The following GLIS3 variants were observed in gnomAD, a reference collection of about 807,000 sequenced individuals.
The protein encoded by GLIS3 is GLIS family zinc finger 3.
GLIS3 carries 53 observed loss-of-function variants against 78.6 expected under a neutral mutation model. The observed-to-expected ratio is 0.67, with a 90% confidence interval of 0.54 to 0.85. The LOEUF (loss-of-function observed/expected upper bound fraction) is 0.85. Ranked by LOEUF, GLIS3 falls within the 40% of genes least tolerant of loss-of-function variation. GLIS3 has a pLI of 0.00. For missense variants in GLIS3, 1,703 were observed against 1,231.1 expected (o/e 1.38, Z -5.74); for synonymous variants, 684 against 509.9 (o/e 1.34, Z -4.60).
chr9:3,855,964 A>G (rs1448348386), intron 9 of GLIS3, 45 bp downstream of exon 9: 1 of 1,496,068 alleles, frequency 6.7e-7, no homozygotes, highest in Non-Finnish European at 9.0e-7. Context: ...GCAACAGCAC[A>G]ATGTCACTTT....
At chr9:4,378,872 G>A in the GLIS3 span, among the ~76,000 whole-genome samples, 1 of 152,176 alleles carries the variant, frequency 6.6e-6, no homozygotes, top group African/African-American at 2.4e-5. Context: ...GGCCGACCTG[G>A]AGACTGATTC....
intron 1 of GLIS3, 90 bp downstream of exon 1, chr9:4,299,331 G>A (rs893377096): frequency 3.3e-5 from 5 of 152,180 alleles, no homozygotes; most frequent in South Asian, 2.1e-4. Flanking sequence ...CCTAGTTTGC[G>A]TCTCTGAGCT....
intron 4 of GLIS3, among the ~76,000 whole-genome samples, chr9:3,985,884 C>T (rs1338146084): frequency 6.6e-6 from 1 of 152,152 alleles, no homozygotes; most frequent in South Asian, 2.1e-4. Context: ...CTGGCATTCC[C>T]AGTTAAAATT....
At chr9:3,932,896 A>C in intron 5 of GLIS3, 1 of 328,954 alleles carries the variant, frequency 3.0e-6, no homozygotes, top group Non-Finnish European at 6.1e-6. Context: ...CCAGAAAAAA[A>C]CTGGGTATTT....
At chr9:4,143,518 G>T (rs1183046426) in intron 2 of GLIS3, among the ~76,000 whole-genome samples, 1 of 151,556 alleles carries the variant, frequency 6.6e-6, no homozygotes, top group Non-Finnish European at 1.5e-5. Context: ...AGTGAGCCGA[G>T]ATTGCACCAC....
chr9:3,850,099 C>G (rs779564215), intron 9 of GLIS3, among the ~76,000 whole-genome samples: 1 of 152,196 alleles, frequency 6.6e-6, no homozygotes, highest in South Asian at 2.1e-4. Flanking sequence ...CTTCTAATTA[C>G]AGCAGTAATA....
the GLIS3 span, among the ~76,000 whole-genome samples, chr9:4,451,210 T>C: frequency 7.2e-5 from 11 of 152,040 alleles, no homozygotes; most frequent in African/African-American, 2.7e-4. Flanking sequence ...TAGTCTCTGA[T>C]AAAACAGACT....
At chr9:3,981,061 G>T (rs1418821531) in intron 4 of GLIS3, among the ~76,000 whole-genome samples, 3 of 152,166 alleles carry the variant, frequency 2.0e-5, no homozygotes, top group Non-Finnish European at 4.4e-5. Context: ...CAGCAGCCAA[G>T]AACTGAGAGG....
At chr9:4,375,708 T>C in the GLIS3 span, among the ~76,000 whole-genome samples, 4 of 152,252 alleles carry the variant, frequency 2.6e-5, no homozygotes, top group African/African-American at 7.2e-5. Flanking sequence ...TTAAAATATG[T>C]GCACATAAAA....
chr9:4,399,805 G>A, the GLIS3 span, among the ~76,000 whole-genome samples: 1 of 152,184 alleles, frequency 6.6e-6, no homozygotes, highest in Non-Finnish European at 1.5e-5. Flanking sequence ...ATCTAACCCA[G>A]CCTTGGGCAT....
At chr9:4,279,316 T>TAA (rs1827322406) in intron 2 of GLIS3, among the ~76,000 whole-genome samples, 4 of 42,874 alleles carry the variant, frequency 9.3e-5, no homozygotes, top group African/African-American at 8.9e-5. Context: ...AAAAAAAAAA[T>TAA]ATATATATAC....
chr9:3,873,504 A>G (rs1055250049), intron 8 of GLIS3, among the ~76,000 whole-genome samples: 1 of 152,174 alleles, frequency 6.6e-6, no homozygotes, highest in Non-Finnish European at 1.5e-5. Context: ...AATAAATTCA[A>G]TGTCTGGTAA....
intron 2 of GLIS3, among the ~76,000 whole-genome samples, chr9:4,188,975 G>A (rs1276627947): frequency 6.6e-6 from 1 of 152,022 alleles, no homozygotes; most frequent in Non-Finnish European, 1.5e-5. Flanking sequence ...TTTCTGAAGG[G>A]TTTTTTGTAT....
intron 2 of GLIS3, among the ~76,000 whole-genome samples, chr9:4,175,990 T>G (rs898718344): frequency 6.6e-6 from 1 of 152,126 alleles, no homozygotes; most frequent in East Asian, 1.9e-4. Flanking sequence ...GAAAATATCT[T>G]TATGTTGATG....
intron 4 of GLIS3, among the ~76,000 whole-genome samples, chr9:4,011,838 AT>A (rs560138966): frequency 2.0e-5 from 3 of 150,986 alleles, no homozygotes; most frequent in Non-Finnish European, 3.0e-5. Context: ...TGCTCTTAAC[AT>A]TTTTTTTTAT....
chr9:4,119,705 T>C (rs1801636740), intron 3 of GLIS3, among the ~76,000 whole-genome samples: 1 of 152,232 alleles, frequency 6.6e-6, no homozygotes, highest in Non-Finnish European at 1.5e-5. Flanking sequence ...CTTTCTGTAA[T>C]TGACTTTTGC....
At chr9:4,146,918 A>G (rs1834265993) in intron 2 of GLIS3, among the ~76,000 whole-genome samples, 1 of 152,224 alleles carries the variant, frequency 6.6e-6, no homozygotes, top group Admixed American at 6.5e-5. Context: ...TTCGACTTTT[A>G]AAAACTATCT....
chr9:3,837,487 T>G (rs1818426062), intron 9 of GLIS3, among the ~76,000 whole-genome samples: 1 of 152,246 alleles, frequency 6.6e-6, no homozygotes, highest in Non-Finnish European at 1.5e-5. Context: ...ATAGTAGCAT[T>G]ATTCATCACT....
the GLIS3 span, among the ~76,000 whole-genome samples, chr9:4,464,605 G>A: frequency 2.0e-5 from 3 of 152,030 alleles, no homozygotes; most frequent in Non-Finnish European, 4.4e-5. Context: ...ATGTTGGCCA[G>A]GCTGGTTTTG....
Sources: gnomAD v4.1 joint callset for allele counts (sites outside exome capture counted in the v4.1 genomes callset) on GRCh38, gnomAD v4.1.1 for gene constraint, MANE v1.5 for transcripts, NCBI Gene and HGNC (gene_info 2026-07-23, HGNC 2026-07-21) for gene names.